PRKG1: variants seen among roughly 807,000 people sequenced by gnomAD.
The protein encoded by PRKG1 is protein kinase cGMP-dependent 1, also known as cGMP-dependent protein kinase 1.
Under a neutral mutation model 88.1 loss-of-function variants are expected in PRKG1, and 35 were observed. The observed-to-expected ratio is 0.40, with a 90% CI of 0.30 to 0.53. The LOEUF (loss-of-function observed/expected upper bound fraction) is 0.53, where lower values mean the gene tolerates loss of function less well. PRKG1 is among the 20% of genes least tolerant of loss of function. The pLI is 0.59. For synonymous variants in PRKG1, 303 were observed against 292.5 expected, an observed-to-expected ratio of 1.04 and a Z score of -0.37; for missense variants, 540 against 839.8, an observed-to-expected ratio of 0.64 and a Z score of 4.41.
intron 1 of PRKG1, among the ~76,000 whole-genome samples, chr10:51,107,244 G>A (rs1056962746): frequency 6.6e-6 from 1 of 152,162 alleles, no homozygotes; most frequent in Admixed American, 6.6e-5. Context: ...GGGACACAAG[G>A]TAAGGAGTTG....
intron 2 of PRKG1, among the ~76,000 whole-genome samples, chr10:51,277,603 G>A (rs988643134): frequency 7.2e-5 from 11 of 152,188 alleles, no homozygotes; most frequent in Non-Finnish European, 1.5e-5. Flanking sequence ...AGCATGGAAT[G>A]TTCTTCCATT....
chr10:51,166,129 C>T (rs1464904253), intron 2 of PRKG1, among the ~76,000 whole-genome samples: 1 of 151,654 alleles, frequency 6.6e-6, no homozygotes, highest in Non-Finnish European at 1.5e-5. Context: ...ATATTTAATA[C>T]CTTCAGCAAC....
intron 2 of PRKG1, among the ~76,000 whole-genome samples, chr10:51,403,796 T>C (rs917361825): frequency 1.3e-5 from 2 of 152,212 alleles, no homozygotes; most frequent in African/African-American, 2.4e-5. Flanking sequence ...ATCGAATTTC[T>C]TTCTATCCCT....
intron 1 of PRKG1, among the ~76,000 whole-genome samples, chr10:51,118,390 C>G (rs7913145): frequency 0.8 from 120,975 of 151,864 alleles, 48,757 homozygotes; most frequent in South Asian, 0.88. Context: ...TTAATATCTG[C>G]TCTTTAAAAA....
At chr10:51,743,853 G>C (rs560132999) in intron 3 of PRKG1, among the ~76,000 whole-genome samples, 226 of 147,766 alleles carry the variant, frequency 1.5e-3, no homozygotes, top group Non-Finnish European at 2.6e-3. Flanking sequence ...AGAAAGACTT[G>C]GGATTTCTGA....
At chr10:52,224,766 T>C (rs1241747513) in intron 9 of PRKG1, among the ~76,000 whole-genome samples, 1 of 146,142 alleles carries the variant, frequency 6.8e-6, no homozygotes, top group African/African-American at 2.5e-5. Flanking sequence ...TTACTACAAA[T>C]GCTGTTAAGT....
chr10:52,232,251 C>T (rs1271061231), intron 9 of PRKG1, among the ~76,000 whole-genome samples: 2 of 151,668 alleles, frequency 1.3e-5, no homozygotes, highest in Non-Finnish European at 2.9e-5. Flanking sequence ...TGCAGTGAGC[C>T]GAGATCACGC....
intron 2 of PRKG1, among the ~76,000 whole-genome samples, chr10:51,350,685 C>T (rs1842221164): frequency 6.6e-6 from 1 of 152,198 alleles, no homozygotes; most frequent in African/African-American, 2.4e-5. Context: ...AACCTAAAGA[C>T]TCTACAAGAA....
chr10:51,603,979 T>G (rs2132231255), intron 3 of PRKG1, among the ~76,000 whole-genome samples: 1 of 152,272 alleles, frequency 6.6e-6, no homozygotes, highest in East Asian at 1.9e-4. Context: ...GGTCTAGGTG[T>G]TTACCCCACT....
At chr10:51,006,725 C>T (rs1842944398) in intron 1 of PRKG1, among the ~76,000 whole-genome samples, 2 of 152,068 alleles carry the variant, frequency 1.3e-5, no homozygotes, top group African/African-American at 2.4e-5. Context: ...TCCCCACCAC[C>T]CCATTACAAT....
At chr10:51,700,523 T>C (rs1404114686) in intron 3 of PRKG1, among the ~76,000 whole-genome samples, 1 of 152,196 alleles carries the variant, frequency 6.6e-6, no homozygotes, top group Non-Finnish European at 1.5e-5. Context: ...AGCGGGTGTT[T>C]GTCTTCTGCT....
At chr10:51,712,709 C>G (rs1841788700) in intron 3 of PRKG1, among the ~76,000 whole-genome samples, 1 of 150,886 alleles carries the variant, frequency 6.6e-6, no homozygotes, top group Admixed American at 6.6e-5. Flanking sequence ...CCTGCCTCAG[C>G]CTCCGGAGTA....
At position 51,120,272 on chromosome 10, in the gene PRKG1, A is replaced by G. The variant is rs532735339; in HGVS notation, c.312-32892A>G. Among the ~76,000 whole-genome samples the G allele has an allele frequency of 2.6e-5, 4 of 152,192 alleles. No individual in the cohort carries two copies. The East Asian group carries it at 7.7e-4, about 29-fold the overall frequency. On this transcript the variant is annotated intron_variant, in intron 1 of 17. Transcript: ENST00000373980. ...ACCTTAAGCTAAATAATGGTTAACT[A>G]TATGAATATTAGGGAGGGCAAAGTT... is the stretch of plus-strand genomic sequence containing the variant.
chr10:51,882,536 C>T (rs78822265), intron 4 of PRKG1, among the ~76,000 whole-genome samples: 2,174 of 152,222 alleles, frequency 0.014, 51 homozygotes, highest in African/African-American at 0.05. Context: ...AGAGTTACTG[C>T]CTCCTTACAA....
intron 9 of PRKG1, among the ~76,000 whole-genome samples, chr10:52,177,444 G>A (rs957841965): frequency 6.6e-6 from 1 of 152,082 alleles, no homozygotes; most frequent in Non-Finnish European, 1.5e-5. Flanking sequence ...GTTCATCAGG[G>A]ATATTTGCCT....
At chr10:51,415,785 C>CA (rs1368589883) in intron 2 of PRKG1, among the ~76,000 whole-genome samples, 1 of 152,122 alleles carries the variant, frequency 6.6e-6, no homozygotes, top group Non-Finnish European at 1.5e-5. Context: ...TTATTAGTCC[C>CA]AATTGCATTT....
chr10:51,602,056 G>T (rs543224227), intron 3 of PRKG1, among the ~76,000 whole-genome samples: 13 of 151,950 alleles, frequency 8.6e-5, no homozygotes, highest in Admixed American at 8.5e-4. Context: ...TTGTAAATTG[G>T]AATTACATTC....
intron 5 of PRKG1, among the ~76,000 whole-genome samples, chr10:51,949,684 A>G (rs534734424): frequency 6.6e-6 from 1 of 152,246 alleles, no homozygotes; most frequent in Non-Finnish European, 1.5e-5. Context: ...CCAGGGTGGT[A>G]GCTGTGATAA....
At chr10:51,499,396 G>A (rs147248529) in intron 3 of PRKG1, among the ~76,000 whole-genome samples, 107 of 152,280 alleles carry the variant, frequency 7.0e-4, no homozygotes, top group African/African-American at 2.4e-3. Flanking sequence ...TAAGAAAGAT[G>A]TTGATGAGAG....
Sources: allele counts gnomAD v4.1 joint callset (sites outside exome capture counted in the v4.1 genomes callset), GRCh38; gene constraint gnomAD v4.1.1; transcripts MANE v1.5; gene names NCBI Gene and HGNC (gene_info 2026-07-23, HGNC 2026-07-21).